ZFAT: variants seen among roughly 807,000 people sequenced by gnomAD.
The protein encoded by ZFAT is zinc finger protein ZFAT.
A neutral mutation model predicts 117.7 loss-of-function variants in ZFAT; 64 were observed. The observed-to-expected ratio is 0.54, with a 90% CI of 0.44 to 0.67. ZFAT has a LOEUF of 0.67. Among genes scored for constraint, ZFAT ranks in the 30% least tolerant of loss-of-function variants. The probability of loss-of-function intolerance (pLI) is 0.00; values close to 1 mark genes in which losing one functional copy is unlikely to be tolerated. For synonymous variants in ZFAT, 679 were observed against 615.0 expected (o/e 1.10, Z -1.54); for missense variants, 1,433 against 1,584.5 (o/e 0.90, Z 1.62).
chr8:134,591,462 GCT>G (rs1332601193), intron 7 of ZFAT, among the ~76,000 whole-genome samples: 1 of 152,174 alleles, frequency 6.6e-6, no homozygotes, highest in Admixed American at 6.5e-5. Flanking sequence ...ACCTCCCTTT[GCT>G]CTCAGCGCTC....
At chr8:134,534,016 A>T (rs1338599254) in intron 11 of ZFAT, among the ~76,000 whole-genome samples, 1 of 152,174 alleles carries the variant, frequency 6.6e-6, no homozygotes, top group Non-Finnish European at 1.5e-5. Flanking sequence ...GGAGCAGAAG[A>T]GCATGGAGCA....
chr8:134,646,999 A>T (rs1410439879), intron 2 of ZFAT, among the ~76,000 whole-genome samples: 1 of 152,176 alleles, frequency 6.6e-6, no homozygotes, highest in Non-Finnish European at 1.5e-5. Context: ...GTTTTACTCA[A>T]GCTCTTCAAA....
At chr8:134,721,228 C>A in the ZFAT span, among the ~76,000 whole-genome samples, 4 of 152,282 alleles carry the variant, frequency 2.6e-5, no homozygotes, top group South Asian at 8.3e-4. Flanking sequence ...CTACCCAGGA[C>A]GGGCCGCATG....
At chr8:134,744,420 T>TGA in the ZFAT span, among the ~76,000 whole-genome samples, 1 of 150,028 alleles carries the variant, frequency 6.7e-6, no homozygotes, top group Non-Finnish European at 1.5e-5. Context: ...CTCAGCCTCC[T>TGA]GAGTAGATGG....
chr8:134,789,951 C>T, the ZFAT span, among the ~76,000 whole-genome samples: 5 of 152,186 alleles, frequency 3.3e-5, no homozygotes, highest in Admixed American at 2.0e-4. Flanking sequence ...CCTGATAGAA[C>T]AGTTCACTAG....
chr8:134,646,306 GTACTC>G (rs1219531768), intron 2 of ZFAT, among the ~76,000 whole-genome samples: 1 of 152,074 alleles, frequency 6.6e-6, no homozygotes. Context: ...AAATTAAATG[GTACTC>G]TTAAATAGCC....
At chr8:134,830,417 G>A in the ZFAT span, among the ~76,000 whole-genome samples, 6 of 152,126 alleles carry the variant, frequency 3.9e-5, no homozygotes, top group Non-Finnish European at 8.8e-5. Context: ...TTGGTATCCC[G>A]GCTACATGCC....
At chr8:134,583,440 C>T (rs1188510540) in intron 10 of ZFAT, among the ~76,000 whole-genome samples, 1 of 152,212 alleles carries the variant, frequency 6.6e-6, no homozygotes, top group African/African-American at 2.4e-5. Context: ...AAGAGACTCA[C>T]TTGAAAAATC....
chr8:134,708,099 C>T (rs1461564267), intron 1 of ZFAT, among the ~76,000 whole-genome samples: 1 of 152,186 alleles, frequency 6.6e-6, no homozygotes, highest in Non-Finnish European at 1.5e-5. Context: ...GAAGGACAAA[C>T]ACTGCATGTT....
intron 1 of ZFAT, among the ~76,000 whole-genome samples, chr8:134,681,294 C>T (rs1013664048): frequency 1.3e-5 from 2 of 152,066 alleles, no homozygotes; most frequent in Non-Finnish European, 2.9e-5. Context: ...CACACCTCTG[C>T]CCAGTACCCT....
the ZFAT span, among the ~76,000 whole-genome samples, chr8:134,832,269 C>G: frequency 6.6e-6 from 1 of 151,816 alleles, no homozygotes; most frequent in Non-Finnish European, 1.5e-5. Flanking sequence ...GCTCCCTCGC[C>G]TTTAGTTTGA....
At chr8:134,804,780 C>G in the ZFAT span, 1 of 482,358 alleles carries the variant, frequency 2.1e-6, no homozygotes. Context: ...TAAAAGAATG[C>G]AGCTAAAGAT....
At chr8:134,824,574 T>G in the ZFAT span, among the ~76,000 whole-genome samples, 1 of 152,348 alleles carries the variant, frequency 6.6e-6, no homozygotes, top group Middle Eastern at 3.4e-3. Flanking sequence ...TCAAAATCAC[T>G]GCTTTAGAAA....
intron 3 of ZFAT, among the ~76,000 whole-genome samples, chr8:134,632,377 G>C (rs1454301291): frequency 6.6e-6 from 1 of 152,210 alleles, no homozygotes; most frequent in Non-Finnish European, 1.5e-5. Flanking sequence ...GCCAACAGTA[G>C]ATTATTACTA....
chr8:134,777,569 G>GA, the ZFAT span, among the ~76,000 whole-genome samples: 2 of 151,908 alleles, frequency 1.3e-5, no homozygotes, highest in South Asian at 2.1e-4. Flanking sequence ...GATACCTCAT[G>GA]AAAAAAAATG....
At chr8:134,782,575 T>C in the ZFAT span, among the ~76,000 whole-genome samples, 1 of 151,758 alleles carries the variant, frequency 6.6e-6, no homozygotes, top group Non-Finnish European at 1.5e-5. Flanking sequence ...ATGAACCCGG[T>C]GGCAGATAAC....
intron 15 of ZFAT, among the ~76,000 whole-genome samples, chr8:134,488,264 A>C (rs1461734624): frequency 3.3e-5 from 5 of 152,202 alleles, no homozygotes; most frequent in Admixed American, 3.3e-4. Context: ...AGGTTGGTGC[A>C]AGTTTGCTGG....
Position 134,637,557 on chromosome 8 carries a change from A to G in ZFAT, c.352T>C (p.Cys118Arg), listed in dbSNP as rs1317748486. Residue 118 changes from cysteine to arginine, a missense_variant, in exon 3 of 16, where the codon TGT becomes CGT. This residue lies in a region of ZFAT where 436 missense variants were observed against 482.0 expected (regional missense o/e 0.90). Coordinates refer to ENST00000377838, the MANE Select transcript of ZFAT (RefSeq NM_020863.4). ...GAGAACTTCCGACAGCACTTGCTAC[A>G]CTCCAAGCTGCTTGGAGGCAGGCTG... Reference protein sequence around the residue: ...GNSLPPSSLECSKCCRKFSNT... With the variant: ...GNSLPPSSLERSKCCRKFSNT... The G allele has an allele frequency of 1.2e-6, 2 of 1,614,014 alleles. No homozygotes were observed. Among genetic ancestry groups the G allele is most frequent in the Non-Finnish European group, 1.7e-6 (2 of 1,180,020 alleles).
the ZFAT span, among the ~76,000 whole-genome samples, chr8:134,760,380 G>A: frequency 6.6e-6 from 1 of 152,092 alleles, no homozygotes; most frequent in Non-Finnish European, 1.5e-5. Context: ...GTCAGAACCA[G>A]ACCATTGATT....
Sources: gnomAD v4.1 joint callset for allele counts (sites outside exome capture counted in the v4.1 genomes callset) on GRCh38, gnomAD v4.1.1 for gene constraint, gnomAD v4.1.1 regional missense constraint, MANE v1.5 for transcripts, NCBI Gene and HGNC (gene_info 2026-07-23, HGNC 2026-07-21) for gene names.